Variants in NOX4 observed in about 807,000 individuals in gnomAD.
NOX4 encodes the protein NADPH oxidase 4.
NOX4 carries 69 observed loss-of-function variants against 87.6 expected under a neutral mutation model. That is an observed-to-expected ratio of 0.79 (90% confidence interval 0.65 to 0.96). The LOEUF (loss-of-function observed/expected upper bound fraction) is 0.96. Ranked by LOEUF, NOX4 falls within the 40% of genes least tolerant of loss-of-function variation. The pLI, the probability that NOX4 is intolerant of heterozygous loss-of-function variation, is 0.00. For missense variants in NOX4, 680 were observed against 681.5 expected, an observed-to-expected ratio of 1.00 and a Z score of 0.02; for synonymous variants, 275 against 238.2, an observed-to-expected ratio of 1.15 and a Z score of -1.42.
At chr11:89,541,192 G>T in the NOX4 span, among the ~76,000 whole-genome samples, 1 of 152,026 alleles carries the variant, frequency 6.6e-6, no homozygotes. Context: ...ATTATAGAAA[G>T]TTAGAAGAAG....
intron 1 of NOX4, 111 bp from the exon 2 acceptor site, chr11:89,490,664 A>C (rs772121686): frequency 1.3e-6 from 1 of 778,300 alleles, no homozygotes; most frequent in South Asian, 1.4e-5. Flanking sequence ...TGGAACCTAA[A>C]TCAGTAACTG....
At chr11:89,426,462 C>T (rs1389163972) in intron 7 of NOX4, among the ~76,000 whole-genome samples, 1 of 151,938 alleles carries the variant, frequency 6.6e-6, no homozygotes, top group African/African-American at 2.4e-5. Flanking sequence ...TCAAGGAATT[C>T]CCTTGGCTAG....
At chr11:89,392,733 T>G (rs1274696877) in intron 11 of NOX4, among the ~76,000 whole-genome samples, 2 of 152,154 alleles carry the variant, frequency 1.3e-5, no homozygotes, top group African/African-American at 4.8e-5. Context: ...GAATTCTGAA[T>G]TTTAAAAGTA....
At chr11:89,336,267 G>T (rs1265716887) in intron 16 of NOX4, among the ~76,000 whole-genome samples, 1 of 151,830 alleles carries the variant, frequency 6.6e-6, no homozygotes, top group East Asian at 1.9e-4. Context: ...TCTGACAAAT[G>T]GCTAATTTTC....
chr11:89,477,160 A>G (rs749133596), intron 2 of NOX4, among the ~76,000 whole-genome samples: 3 of 152,042 alleles, frequency 2.0e-5, no homozygotes, highest in Admixed American at 6.6e-5. Flanking sequence ...TAATTATACA[A>G]CTCACCACAA....
At chr11:89,523,378 G>T in the NOX4 span, among the ~76,000 whole-genome samples, 1 of 152,214 alleles carries the variant, frequency 6.6e-6, no homozygotes, top group East Asian at 1.9e-4. Flanking sequence ...AAGGGCAAAA[G>T]TAAGCTCAGC....
intron 13 of NOX4, among the ~76,000 whole-genome samples, chr11:89,345,949 C>A (rs1274749741): frequency 2.6e-5 from 4 of 152,008 alleles, no homozygotes; most frequent in Admixed American, 6.6e-5. Flanking sequence ...CTAGCCAGAG[C>A]AATCAAGTAG....
At chr11:89,565,406 A>G in the NOX4 span, among the ~76,000 whole-genome samples, 1 of 152,138 alleles carries the variant, frequency 6.6e-6, no homozygotes, top group Non-Finnish European at 1.5e-5. Context: ...CATTCATTGG[A>G]TATTATAGAT....
chr11:89,456,770 G>C (rs915545112), intron 2 of NOX4, among the ~76,000 whole-genome samples: 5 of 152,206 alleles, frequency 3.3e-5, no homozygotes, highest in African/African-American at 1.2e-4. Context: ...ATTCCAGCCT[G>C]TGCAGAGCCC....
At chr11:89,539,150 T>G in the NOX4 span, among the ~76,000 whole-genome samples, 10 of 152,110 alleles carry the variant, frequency 6.6e-5, no homozygotes. Context: ...AATAAATTTT[T>G]GGGCAGGATG....
chr11:89,462,003 G>GAA (rs201430504), intron 2 of NOX4, among the ~76,000 whole-genome samples: 1 of 137,334 alleles, frequency 7.3e-6, no homozygotes, highest in African/African-American at 2.6e-5. Context: ...GAAGAAAGAA[G>GAA]AAAAAAAAAA....
At chr11:89,431,798 C>T (rs1340408800) in intron 7 of NOX4, among the ~76,000 whole-genome samples, 1 of 152,138 alleles carries the variant, frequency 6.6e-6, no homozygotes, top group Non-Finnish European at 1.5e-5. Flanking sequence ...TGTGGCGATT[C>T]CTCAGGGATC....
At chr11:89,487,851 C>T (rs1196962813) in intron 2 of NOX4, among the ~76,000 whole-genome samples, 2 of 152,128 alleles carry the variant, frequency 1.3e-5, no homozygotes, top group Admixed American at 6.5e-5. Context: ...CAAATTGTTA[C>T]TCTATGAAAT....
chr11:89,541,554 A>G, the NOX4 span, among the ~76,000 whole-genome samples: 1 of 152,182 alleles, frequency 6.6e-6, no homozygotes, highest in Non-Finnish European at 1.5e-5. Flanking sequence ...GAAGATATGT[A>G]TCTTCTGGTT....
intron 13 of NOX4, among the ~76,000 whole-genome samples, chr11:89,344,212 C>A (rs1464048029): frequency 1.3e-5 from 2 of 151,614 alleles, no homozygotes; most frequent in East Asian, 3.9e-4. Flanking sequence ...AAAATATTTG[C>A]CTTTTAAAAT....
chr11:89,588,034 C>T, the NOX4 span, among the ~76,000 whole-genome samples: 1 of 151,986 alleles, frequency 6.6e-6, no homozygotes, highest in Admixed American at 6.6e-5. Context: ...TTTTCTATTC[C>T]GGTGTTAGGA....
chr11:89,373,090 G>A (rs1001320283), intron 12 of NOX4, among the ~76,000 whole-genome samples: 4 of 151,482 alleles, frequency 2.6e-5, no homozygotes, highest in African/African-American at 9.7e-5. Context: ...TGATTATTTT[G>A]ACTCATGTTT....
chr11:89,460,841 G>C (rs945741118), intron 2 of NOX4, among the ~76,000 whole-genome samples: 1 of 151,894 alleles, frequency 6.6e-6, no homozygotes, highest in Non-Finnish European at 1.5e-5. Context: ...TCATGCTGCT[G>C]TAAAGACACA....
At chr11:89,518,742 A>G in the NOX4 span, among the ~76,000 whole-genome samples, 1 of 152,072 alleles carries the variant, frequency 6.6e-6, no homozygotes, top group Non-Finnish European at 1.5e-5. Flanking sequence ...ATGGAAAGGA[A>G]ATAAGGTTGG....
Sources: allele counts gnomAD v4.1 joint callset (sites outside exome capture counted in the v4.1 genomes callset), GRCh38; gene constraint gnomAD v4.1.1; transcripts MANE v1.5; gene names NCBI Gene and HGNC (gene_info 2026-07-23, HGNC 2026-07-21).